Variants in MYO5B observed in about 807,000 individuals in gnomAD.
MYO5B encodes myosin VB, also known as unconventional myosin-Vb.
A neutral mutation model predicts 229.3 loss-of-function variants in MYO5B; 143 were observed. That is an observed-to-expected ratio of 0.62 (90% CI 0.54 to 0.72). MYO5B has a LOEUF of 0.72. Among genes scored for constraint, MYO5B ranks in the 30% least tolerant of loss-of-function variants. The pLI is 0.00. For missense variants in MYO5B, 2,321 were observed against 2,331.0 expected (o/e 1.00, Z 0.09); for synonymous variants, 918 against 885.2 (o/e 1.04, Z -0.66).
intron 1 of MYO5B, among the ~76,000 whole-genome samples, chr18:50,119,678 G>A (rs1048394133): frequency 2.0e-5 from 3 of 152,190 alleles, no homozygotes; most frequent in African/African-American, 7.2e-5. Flanking sequence ...CTAAGGGAGG[G>A]ATGTATTAAA....
At chr18:49,887,493 T>A (rs1044268714) in intron 22 of MYO5B, among the ~76,000 whole-genome samples, 1 of 152,032 alleles carries the variant, frequency 6.6e-6, no homozygotes, top group Non-Finnish European at 1.5e-5. Context: ...TTTAAAAACA[T>A]GTGGCACCTC....
chr18:50,176,788 T>C lies in MYO5B; in HGVS notation c.27+17979A>G, dbSNP rs201641957. On this transcript the variant is annotated intron_variant, in intron 1 of 39. Coordinates refer to ENST00000285039, the MANE Select transcript of MYO5B (RefSeq NM_001080467.3). ...GTAGTACATAAAATCAACAGCACTATCCTTTTCTAAAGGCTGCAACTATTT... is the reference window on the plus strand; with the variant it reads ...GTAGTACATAAAATCAACAGCACTACCCTTTTCTAAAGGCTGCAACTATTT... Among the ~76,000 whole-genome samples the C allele has an allele frequency of 1.4e-4, 22 of 152,348 alleles. No homozygotes were observed. In the East Asian group the frequency reaches 4.1e-3, roughly 28 times the overall value.
chr18:50,043,460 T>G (rs2030113707), intron 2 of MYO5B, among the ~76,000 whole-genome samples: 1 of 121,348 alleles, frequency 8.2e-6, no homozygotes, highest in South Asian at 2.3e-4. Flanking sequence ...TTTAAATATA[T>G]TTGTATATAT....
intron 4 of MYO5B, among the ~76,000 whole-genome samples, chr18:50,004,557 T>A (rs1437670261): frequency 6.6e-6 from 1 of 152,182 alleles, no homozygotes; most frequent in African/African-American, 2.4e-5. Flanking sequence ...CTGGAAAAAC[T>A]GATGATTTTT....
chr18:49,939,157 T>C (rs1278735474), intron 14 of MYO5B, among the ~76,000 whole-genome samples: 2 of 148,882 alleles, frequency 1.3e-5, no homozygotes, highest in East Asian at 2.0e-4. Flanking sequence ...TCTTTTTTTT[T>C]TTTTTTTTTG....
At chr18:49,989,773 A>C (rs1229775713) in intron 7 of MYO5B, among the ~76,000 whole-genome samples, 2 of 152,216 alleles carry the variant, frequency 1.3e-5, no homozygotes, top group Non-Finnish European at 2.9e-5. Context: ...GGTGGTGCTC[A>C]TCTGATGGGG....
At chr18:50,055,481 C>G in intron 1 of MYO5B, 103 bp from the exon 2 acceptor site, 2 of 861,352 alleles carry the variant, frequency 2.3e-6, no homozygotes, top group South Asian at 1.4e-5. Context: ...ACTTCTAAAG[C>G]TATCTGCACA....
At chr18:50,040,457 A>G (rs1446780077) in intron 2 of MYO5B, 143 bp from the exon 3 acceptor site, 1 of 919,830 alleles carries the variant, frequency 1.1e-6, no homozygotes, top group Admixed American at 1.8e-5. Flanking sequence ...GACAAGCTGA[A>G]CAAAATACCT....
At chr18:49,913,404 T>C (rs1449533356) in intron 17 of MYO5B, among the ~76,000 whole-genome samples, 1 of 152,344 alleles carries the variant, frequency 6.6e-6, no homozygotes, top group South Asian at 2.1e-4. Context: ...CATATAGTCA[T>C]GTAGTGACTC....
intron 21 of MYO5B, among the ~76,000 whole-genome samples, chr18:49,898,592 G>C (rs903818157): frequency 3.9e-5 from 6 of 152,172 alleles, no homozygotes; most frequent in African/African-American, 1.4e-4. Context: ...ATCACCGTAG[G>C]ATATGGTGAA....
rs371097276 is a variant in MYO5B at position 50,001,432 on chromosome 18, A to G, written c.456-21T>C. On this transcript the variant is annotated intron_variant, in intron 4 of 39. Transcript: ENST00000285039. ...CATCTCTGGAAGGAAAAAAGCTCTG[A>G]TAAGTCATTGGCCATGGAAAGGCTC... 2.6e-5 allele frequency: 42 copies of G among 1,613,978 alleles called. 1 individual carries two copies. The African/African-American group carries it at 4.1e-4, about 16-fold the overall frequency.
At chr18:49,943,227 G>T (rs948990480) in intron 14 of MYO5B, among the ~76,000 whole-genome samples, 1 of 98,988 alleles carries the variant, frequency 1.0e-5, no homozygotes, top group East Asian at 3.8e-4. Flanking sequence ...GGGGTGGGGG[G>T]AGGGGGGAGG....
Position 49,891,056 on chromosome 18 carries a change from C to T in MYO5B, c.3045+3885G>A, listed in dbSNP as rs574189646. The stretch of plus-strand genomic sequence containing the variant: ...CTCTGGAGGTTTCATGGGTCAAGGC[C>T]GCGCTTGAAGTCAGAAGATCCTTCC... On this transcript the variant is annotated intron_variant, in intron 22 of 39. Coordinates refer to ENST00000285039, the MANE Select transcript of MYO5B (RefSeq NM_001080467.3). Among the ~76,000 whole-genome samples the T allele has an allele frequency of 9.9e-5, 15 of 152,210 alleles. No homozygotes were observed. In the East Asian group the frequency reaches 1.2e-3, roughly 12 times the overall value.
intron 29 of MYO5B, among the ~76,000 whole-genome samples, chr18:49,862,733 C>T (rs375083973): frequency 5.9e-5 from 9 of 152,262 alleles, no homozygotes; most frequent in South Asian, 4.1e-4. Flanking sequence ...TTGGCTAAGA[C>T]GGTGGAGGTG....
intron 1 of MYO5B, among the ~76,000 whole-genome samples, chr18:50,131,140 T>C (rs1026076201): frequency 7.9e-5 from 12 of 152,202 alleles, no homozygotes; most frequent in African/African-American, 2.9e-4. Flanking sequence ...TTAAAAGCAT[T>C]AAAGCCCTAT....
chr18:50,032,910 G>A (rs1157395333), intron 4 of MYO5B, among the ~76,000 whole-genome samples: 4 of 151,976 alleles, frequency 2.6e-5, no homozygotes, highest in African/African-American at 9.7e-5. Flanking sequence ...CTGTTTGAAC[G>A]TGGGAGGTGG....
At chr18:49,856,647 C>G (rs2024265639) in intron 30 of MYO5B, among the ~76,000 whole-genome samples, 166 bp downstream of exon 30, 1 of 152,360 alleles carries the variant, frequency 6.6e-6, no homozygotes, top group Non-Finnish European at 1.5e-5. Context: ...CATATCTGTA[C>G]AGCCTGGGCA....
intron 33 of MYO5B, among the ~76,000 whole-genome samples, chr18:49,843,986 C>G (rs1002153927): frequency 6.6e-6 from 1 of 152,246 alleles, no homozygotes; most frequent in Non-Finnish European, 1.5e-5. Context: ...GGCAGGCCCC[C>G]CTTCCCCACC....
At chr18:50,010,897 G>A (rs1360407803) in intron 4 of MYO5B, among the ~76,000 whole-genome samples, 1 of 152,196 alleles carries the variant, frequency 6.6e-6, no homozygotes. Flanking sequence ...AGTACAGCTG[G>A]CATTTCAGCC....
Sources: allele counts gnomAD v4.1 joint callset (sites outside exome capture counted in the v4.1 genomes callset), GRCh38; gene constraint gnomAD v4.1.1; transcripts MANE v1.5; gene names NCBI Gene and HGNC (gene_info 2026-07-23, HGNC 2026-07-21).